Variants in NCK2 observed in about 807,000 individuals in gnomAD.
NCK2 encodes cytoplasmic protein NCK2.
NCK2 carries 16 observed loss-of-function variants against 33.9 expected under a neutral mutation model. The observed-to-expected ratio is 0.47, with a 90% CI of 0.32 to 0.72. NCK2 has a LOEUF of 0.72. NCK2 is among the 30% of genes least tolerant of loss of function. The probability of loss-of-function intolerance (pLI) is 0.03; values close to 1 mark genes in which losing one functional copy is unlikely to be tolerated. For missense variants in NCK2, 418 were observed against 537.3 expected (o/e 0.78, Z 2.19); for synonymous variants, 273 against 239.9 (o/e 1.14, Z -1.27).
At chr2:105,765,809 G>GTC (rs1301054088) in intron 1 of NCK2, among the ~76,000 whole-genome samples, 4 of 151,600 alleles carry the variant, frequency 2.6e-5, no homozygotes, top group African/African-American at 7.3e-5. Flanking sequence ...GTGTGTGTGT[G>GTC]TGTGTGTCTG....
At chr2:105,828,232 TAGG>T (rs1340225514) in intron 2 of NCK2, among the ~76,000 whole-genome samples, 2 of 152,250 alleles carry the variant, frequency 1.3e-5, no homozygotes, top group Admixed American at 6.5e-5. Flanking sequence ...AAGATGGAAA[TAGG>T]AGAGGGGCCA....
At chr2:105,794,262 G>GA (rs1250439775) in intron 1 of NCK2, among the ~76,000 whole-genome samples, 1 of 151,922 alleles carries the variant, frequency 6.6e-6, no homozygotes, top group Admixed American at 6.6e-5. Context: ...ATGTTGGCCA[G>GA]ACTGGTCTCA....
chr2:105,857,893 C>CA (rs1677346569), intron 3 of NCK2, among the ~76,000 whole-genome samples: 1 of 152,206 alleles, frequency 6.6e-6, no homozygotes, highest in South Asian at 2.1e-4. Flanking sequence ...CAGGTCTCAC[C>CA]ATCATGCAGT....
intron 1 of NCK2, among the ~76,000 whole-genome samples, chr2:105,772,757 C>T (rs533605693): frequency 5.9e-5 from 9 of 152,208 alleles, no homozygotes; most frequent in Admixed American, 2.0e-4. Context: ...TTCTTCTCCC[C>T]TCCCATTTTC....
intron 2 of NCK2, among the ~76,000 whole-genome samples, chr2:105,823,773 G>C (rs533716395): frequency 6.6e-6 from 1 of 152,046 alleles, no homozygotes; most frequent in Non-Finnish European, 1.5e-5. Context: ...GCTTCTCAGA[G>C]TCACACCTGA....
At chr2:105,787,690 CAG>C (rs1690729745) in intron 1 of NCK2, among the ~76,000 whole-genome samples, 1 of 152,150 alleles carries the variant, frequency 6.6e-6, no homozygotes, top group Non-Finnish European at 1.5e-5. Context: ...CATGGGGTGT[CAG>C]GGTGCACTGG....
chr2:105,804,397 A>G (rs1338708812), intron 1 of NCK2, among the ~76,000 whole-genome samples: 1 of 152,194 alleles, frequency 6.6e-6, no homozygotes, highest in Non-Finnish European at 1.5e-5. Context: ...GTGCCCAGTT[A>G]AAAGGCTAGG....
intron 1 of NCK2, among the ~76,000 whole-genome samples, chr2:105,802,899 C>T (rs1674896330): frequency 6.6e-6 from 1 of 151,940 alleles, no homozygotes; most frequent in Admixed American, 6.5e-5. Flanking sequence ...GCTGCTTTCT[C>T]GGGGGTGAGG....
intron 3 of NCK2, among the ~76,000 whole-genome samples, chr2:105,868,518 T>C (rs1309927280): frequency 3.3e-5 from 5 of 152,206 alleles, no homozygotes; most frequent in Admixed American, 3.3e-4. Flanking sequence ...ATTTGTGAAA[T>C]TTACAAGTGG....
intron 2 of NCK2, among the ~76,000 whole-genome samples, chr2:105,836,179 G>A (rs1006591730): frequency 6.6e-6 from 1 of 150,384 alleles, no homozygotes; most frequent in Non-Finnish European, 1.5e-5. Flanking sequence ...TTGTTTCCTT[G>A]CTTTTTCGTG....
chr2:105,757,238 C>A (rs1007861999), intron 1 of NCK2, among the ~76,000 whole-genome samples: 2 of 152,206 alleles, frequency 1.3e-5, no homozygotes, highest in African/African-American at 4.8e-5. Context: ...TTTAAACTCT[C>A]CTGACCTCTG....
chr2:105,752,654 G>A (rs1262518942), intron 1 of NCK2, among the ~76,000 whole-genome samples: 2 of 152,090 alleles, frequency 1.3e-5, no homozygotes, highest in Non-Finnish European at 2.9e-5. Flanking sequence ...AACATACATT[G>A]TACCCATTGA....
intron 2 of NCK2, among the ~76,000 whole-genome samples, chr2:105,823,884 G>A (rs775432832): frequency 2.0e-5 from 3 of 152,036 alleles, no homozygotes; most frequent in Non-Finnish European, 1.5e-5. Flanking sequence ...TGGCTGTTTC[G>A]TGATCAAACG....
In NCK2 at chr2:105,744,952, G is replaced by T. The variant is rs1386950774; in HGVS notation, c.-387G>T. 7 of 145,800 alleles carry T rather than the reference G, an allele frequency of 4.8e-5. No homozygotes were observed. The highest frequency in any genetic ancestry group is 2.0e-4 in the Admixed American group (3 of 14,692). The allele number at this position is 145,800 out of a possible 1,614,324, so 9.0% of individuals were successfully genotyped here. ...GGCCGAGCGGGCGGCGGGCGGAGGGGAGGGCTTGGCGGCCGGGAGGCTCGC... is the reference window on the plus strand; with the variant it reads ...GGCCGAGCGGGCGGCGGGCGGAGGGTAGGGCTTGGCGGCCGGGAGGCTCGC... On this transcript the variant is annotated 5_prime_UTR_variant, in exon 1 of 5. Coordinates refer to ENST00000233154, the MANE Select transcript of NCK2 (RefSeq NM_003581.5).
At chr2:105,797,338 G>C (rs1691116090) in intron 1 of NCK2, among the ~76,000 whole-genome samples, 1 of 152,172 alleles carries the variant, frequency 6.6e-6, no homozygotes, top group Non-Finnish European at 1.5e-5. Context: ...CTATTTCTGG[G>C]TGGTGTGTGT....
chr2:105,795,222 G>GT, intron 1 of NCK2, among the ~76,000 whole-genome samples: 1 of 152,164 alleles, frequency 6.6e-6, no homozygotes, highest in South Asian at 2.1e-4. Context: ...TGCATTCCAT[G>GT]GGTTTGGACA....
At chr2:105,805,908 T>C (rs116038905) in intron 1 of NCK2, among the ~76,000 whole-genome samples, 2,850 of 152,298 alleles carry the variant, frequency 0.019, 51 homozygotes, top group Non-Finnish European at 0.022. Flanking sequence ...TGCATAAACA[T>C]AACGAGAGGT....
chr2:105,779,679 G>A (rs1273302324), intron 1 of NCK2, among the ~76,000 whole-genome samples: 1 of 152,192 alleles, frequency 6.6e-6, no homozygotes, highest in African/African-American at 2.4e-5. Flanking sequence ...GAGGAGAGGA[G>A]GAAAGAGCTT....
At chr2:105,854,645 G>C (rs891171129) in intron 2 of NCK2, 2 of 156,450 alleles carry the variant, frequency 1.3e-5, no homozygotes, top group Non-Finnish European at 2.8e-5. Context: ...GGAGTAGTTT[G>C]GTTATGTTGA....
Sources: allele counts gnomAD v4.1 joint callset (sites outside exome capture counted in the v4.1 genomes callset), GRCh38; gene constraint gnomAD v4.1.1; transcripts MANE v1.5; gene names NCBI Gene and HGNC (gene_info 2026-07-23, HGNC 2026-07-21).